The following PCDH9 variants were observed in gnomAD, a reference collection of about 807,000 sequenced individuals.
PCDH9 encodes protocadherin-9.
In PCDH9, 24 loss-of-function variants were observed where a neutral mutation model predicts 70.6. That is an observed-to-expected ratio of 0.34 (90% CI 0.25 to 0.48). The LOEUF is 0.48. Among genes scored for constraint, PCDH9 ranks in the 20% least tolerant of loss-of-function variants. The pLI is 0.99. For synonymous variants in PCDH9, 562 were observed against 558.5 expected (o/e 1.01, Z -0.09); for missense variants, 1,281 against 1,503.6 (o/e 0.85, Z 2.45).
chr13:66,509,538 C>A (rs1959359999), intron 4 of PCDH9, among the ~76,000 whole-genome samples: 1 of 152,192 alleles, frequency 6.6e-6, no homozygotes. Context: ...CACTGGCTCA[C>A]CCCAATCGTT....
chr13:67,026,736 G>T (rs1255359543), intron 2 of PCDH9, among the ~76,000 whole-genome samples: 1 of 151,848 alleles, frequency 6.6e-6, no homozygotes, highest in Non-Finnish European at 1.5e-5. Context: ...CAAAATCAAT[G>T]TACAAAAATC....
chr13:66,509,145 C>T (rs1289733491), intron 4 of PCDH9, among the ~76,000 whole-genome samples: 1 of 152,202 alleles, frequency 6.6e-6, no homozygotes, highest in African/African-American at 2.4e-5. Context: ...CCCAACTACA[C>T]TGTAAACAGA....
At chr13:66,614,913 C>T (rs545884032) in intron 4 of PCDH9, among the ~76,000 whole-genome samples, 3 of 152,220 alleles carry the variant, frequency 2.0e-5, no homozygotes, top group Admixed American at 6.5e-5. Context: ...GTATTTGTCC[C>T]GATTGGCTAG....
chr13:67,151,745 G>A (rs1005624566), intron 2 of PCDH9, among the ~76,000 whole-genome samples: 3 of 144,602 alleles, frequency 2.1e-5, no homozygotes, highest in Non-Finnish European at 4.6e-5. Flanking sequence ...TAATTGAGAG[G>A]AGAAACTTAT....
intron 2 of PCDH9, among the ~76,000 whole-genome samples, chr13:67,059,532 C>T (rs956357042): frequency 1.3e-5 from 2 of 150,962 alleles, no homozygotes; most frequent in African/African-American, 2.4e-5. Context: ...GGGCCTCTCA[C>T]AATAGAGCAG....
At chr13:66,700,888 T>TTA (rs1593916009) in intron 3 of PCDH9, among the ~76,000 whole-genome samples, 1 of 140,646 alleles carries the variant, frequency 7.1e-6, no homozygotes, top group African/African-American at 2.6e-5. Context: ...AATGTCTATG[T>TTA]TATATATATA....
At chr13:66,742,612 T>A (rs1238674869) in intron 3 of PCDH9, among the ~76,000 whole-genome samples, 3 of 124,660 alleles carry the variant, frequency 2.4e-5, no homozygotes, top group Admixed American at 8.5e-5. Flanking sequence ...AGGGCTAATA[T>A]CCAGAATCTA....
chr13:67,114,283 T>A (rs536895626), intron 2 of PCDH9, among the ~76,000 whole-genome samples: 1 of 152,210 alleles, frequency 6.6e-6, no homozygotes, highest in Non-Finnish European at 1.5e-5. Flanking sequence ...TATCTGTTTA[T>A]ATAATATATG....
chr13:66,818,349 C>T (rs527564933), intron 3 of PCDH9, among the ~76,000 whole-genome samples: 19 of 152,056 alleles, frequency 1.2e-4, no homozygotes, highest in Non-Finnish European at 2.2e-4. Flanking sequence ...TTTATTTTTT[C>T]AATTCAAAAC....
intron 3 of PCDH9, chr13:66,782,945 A>G (rs1445518340): frequency 1.3e-5 from 2 of 152,198 alleles, no homozygotes; most frequent in East Asian, 3.8e-4. Flanking sequence ...ACAATTTCAC[A>G]TTTATGTGTT....
At chr13:66,719,171 G>A (rs1380800236) in intron 3 of PCDH9, among the ~76,000 whole-genome samples, 2 of 152,144 alleles carry the variant, frequency 1.3e-5, no homozygotes, top group Non-Finnish European at 2.9e-5. Context: ...GCCGTAGCTG[G>A]GCTTTGGTCC....
chr13:66,770,795 A>G (rs1173564819), intron 3 of PCDH9, among the ~76,000 whole-genome samples: 2 of 152,164 alleles, frequency 1.3e-5, no homozygotes, highest in Non-Finnish European at 2.9e-5. Flanking sequence ...TGAGCTAAAA[A>G]TCCACATTTT....
At chr13:67,208,875 T>G (rs2089412078) in intron 2 of PCDH9, 1 of 152,186 alleles carries the variant, frequency 6.6e-6, no homozygotes, top group East Asian at 1.9e-4. Context: ...GTTTGTGATG[T>G]TGACATTGCC....
At chr13:66,814,146 C>T (rs2139367147) in intron 3 of PCDH9, among the ~76,000 whole-genome samples, 1 of 152,184 alleles carries the variant, frequency 6.6e-6, no homozygotes, top group Non-Finnish European at 1.5e-5. Context: ...TATGGAGGTA[C>T]TTAACGCTCT....
chr13:66,387,925 T>C (rs1956957086), intron 4 of PCDH9, among the ~76,000 whole-genome samples: 1 of 152,204 alleles, frequency 6.6e-6, no homozygotes, highest in Admixed American at 6.5e-5. Flanking sequence ...GATGAATAAA[T>C]AATTCAATAA....
intron 3 of PCDH9, among the ~76,000 whole-genome samples, chr13:66,820,161 T>TA (rs2080684721): frequency 1.3e-5 from 2 of 152,250 alleles, no homozygotes; most frequent in Admixed American, 6.5e-5. Context: ...ATATTTAGGT[T>TA]AAAATGCTTA....
chr13:66,977,149 A>G (rs934556036), intron 2 of PCDH9, among the ~76,000 whole-genome samples: 5 of 152,108 alleles, frequency 3.3e-5, no homozygotes, highest in Admixed American at 6.6e-5. Context: ...ATAATTAATA[A>G]ATAATATTTT....
chr13:67,109,296 C>T (rs547872351), intron 2 of PCDH9, among the ~76,000 whole-genome samples: 121 of 152,216 alleles, frequency 7.9e-4, no homozygotes, highest in African/African-American at 2.8e-3. Flanking sequence ...TTATTTTTAC[C>T]AGTTAGGATC....
At chr13:66,444,558 T>C (rs1256158884) in intron 4 of PCDH9, among the ~76,000 whole-genome samples, 1 of 152,116 alleles carries the variant, frequency 6.6e-6, no homozygotes, top group Admixed American at 6.6e-5. Flanking sequence ...TATTTTATTT[T>C]TTATTTCTGT....
Sources: allele counts gnomAD v4.1 joint callset (sites outside exome capture counted in the v4.1 genomes callset), GRCh38; gene constraint gnomAD v4.1.1; transcripts MANE v1.5; gene names NCBI Gene and HGNC (gene_info 2026-07-23, HGNC 2026-07-21).